KCNQ5: variants seen among roughly 807,000 people sequenced by gnomAD.
The protein encoded by KCNQ5 is potassium voltage-gated channel subfamily Q member 5.
A neutral mutation model predicts 98.2 loss-of-function variants in KCNQ5; 30 were observed. The ratio of observed to expected loss-of-function variants is 0.31; its 90% CI spans 0.23 to 0.41. The LOEUF is 0.41. Among genes scored for constraint, KCNQ5 ranks in the 10% least tolerant of loss-of-function variants. The pLI is 1.00. For missense variants in KCNQ5, 835 were observed against 1,182.5 expected, an observed-to-expected ratio of 0.71 and a Z score of 4.31; for synonymous variants, 458 against 449.4, an observed-to-expected ratio of 1.02 and a Z score of -0.24.
chr6:72,941,176 CT>C (rs1766214267), intron 1 of KCNQ5, among the ~76,000 whole-genome samples: 1 of 152,236 alleles, frequency 6.6e-6, no homozygotes, highest in Non-Finnish European at 1.5e-5. Context: ...CTTTTGCCTT[CT>C]TTTTAAATTT....
intron 1 of KCNQ5, among the ~76,000 whole-genome samples, chr6:72,810,709 G>A (rs1775199213): frequency 6.6e-6 from 1 of 152,174 alleles, no homozygotes; most frequent in African/African-American, 2.4e-5. Flanking sequence ...GGCTTTCCAT[G>A]AACATGGCTA....
At chr6:72,693,954 AT>A (rs1402950023) in intron 1 of KCNQ5, among the ~76,000 whole-genome samples, 1 of 151,982 alleles carries the variant, frequency 6.6e-6, no homozygotes, top group Non-Finnish European at 1.5e-5. Flanking sequence ...TCTTTTATTT[AT>A]TTTTCACTGA....
At chr6:72,719,305 A>T (rs1204269915) in intron 1 of KCNQ5, among the ~76,000 whole-genome samples, 1 of 152,216 alleles carries the variant, frequency 6.6e-6, no homozygotes, top group Admixed American at 6.5e-5. Flanking sequence ...TGCATTAGGC[A>T]TCCCTTGCTG....
At chr6:72,633,541 T>C (rs182671170) in intron 1 of KCNQ5, among the ~76,000 whole-genome samples, 39 of 152,324 alleles carry the variant, frequency 2.6e-4, no homozygotes, top group Admixed American at 1.5e-3. Context: ...TAGATAAAAC[T>C]ATTCTAACAT....
At chr6:72,828,178 G>A (rs1320327748) in intron 1 of KCNQ5, among the ~76,000 whole-genome samples, 1 of 152,080 alleles carries the variant, frequency 6.6e-6, no homozygotes, top group African/African-American at 2.4e-5. Flanking sequence ...CACCATCTTT[G>A]TTCTTTTTGC....
At chr6:72,625,638 C>T (rs2098917696) in intron 1 of KCNQ5, among the ~76,000 whole-genome samples, 1 of 152,128 alleles carries the variant, frequency 6.6e-6, no homozygotes, top group Admixed American at 6.5e-5. Flanking sequence ...TAATTGATCA[C>T]TTTGCCTAAT....
intron 1 of KCNQ5, among the ~76,000 whole-genome samples, chr6:72,696,004 A>T (rs1400410504): frequency 5.3e-5 from 8 of 152,260 alleles, no homozygotes; most frequent in Non-Finnish European, 1.0e-4. Flanking sequence ...TTATTTTAAC[A>T]TGAGAAGAGA....
chr6:72,815,154 C>T (rs1396013308), intron 1 of KCNQ5, among the ~76,000 whole-genome samples: 3 of 152,070 alleles, frequency 2.0e-5, no homozygotes, highest in African/African-American at 7.2e-5. Context: ...AGCTTTTACT[C>T]TCAAGGAGCC....
chr6:72,664,676 C>T (rs1479607011), intron 1 of KCNQ5, among the ~76,000 whole-genome samples: 4 of 151,474 alleles, frequency 2.6e-5, no homozygotes, highest in Admixed American at 2.6e-4. Flanking sequence ...AACAAACAAA[C>T]AAACAAACAA....
At chr6:73,158,206 C>T (rs1777449085) in intron 10 of KCNQ5, 1 of 266,280 alleles carries the variant, frequency 3.8e-6, no homozygotes, top group Non-Finnish European at 7.4e-6. Flanking sequence ...GGCGCCGGCC[C>T]CAGCGTTGTG....
At chr6:72,691,899 T>G (rs558978795) in intron 1 of KCNQ5, among the ~76,000 whole-genome samples, 1 of 152,336 alleles carries the variant, frequency 6.6e-6, no homozygotes, top group South Asian at 2.1e-4. Flanking sequence ...ATATTTTGTG[T>G]CAGTAGAATT....
intron 1 of KCNQ5, among the ~76,000 whole-genome samples, chr6:72,964,133 G>T (rs1211280323): frequency 6.6e-6 from 1 of 152,134 alleles, no homozygotes; most frequent in Non-Finnish European, 1.5e-5. Context: ...TACAACATTA[G>T]TTCTCAAGCC....
chr6:72,630,453 A>G (rs1436878713), intron 1 of KCNQ5: 1 of 152,218 alleles, frequency 6.6e-6, no homozygotes, highest in Non-Finnish European at 1.5e-5. Context: ...CATTTGCTTA[A>G]CAGCCATTAT....
At chr6:72,764,126 A>T (rs534589663) in intron 1 of KCNQ5, among the ~76,000 whole-genome samples, 1 of 151,992 alleles carries the variant, frequency 6.6e-6, no homozygotes, top group Non-Finnish European at 1.5e-5. Flanking sequence ...TGCCAAGGTC[A>T]TACTTAGAAC....
rs976511520 is a variant in KCNQ5 at position 73,195,438 on chromosome 6, T to C, written c.*24T>C. ...AAGTTCTTCATTTTCTTTCCAGGCA[T>C]AGCAGTTCTTTAGCCATACATATCA... On this transcript the variant is annotated 3_prime_UTR_variant, in exon 14 of 14. Coordinates refer to ENST00000370398, the MANE Select transcript of KCNQ5 (RefSeq NM_019842.4). The C allele has an allele frequency of 1.9e-6, 3 of 1,603,732 alleles. No individual in the cohort carries two copies. Among genetic ancestry groups the C allele is most frequent in the Non-Finnish European group, 2.6e-6 (3 of 1,173,870 alleles).
chr6:72,724,348 A>G (rs946219058), intron 1 of KCNQ5, among the ~76,000 whole-genome samples: 1 of 152,236 alleles, frequency 6.6e-6, no homozygotes. Flanking sequence ...GGAAAGAAAA[A>G]TTACCTCTTC....
chr6:72,729,807 C>T (rs1341198431), intron 1 of KCNQ5, among the ~76,000 whole-genome samples: 3 of 148,932 alleles, frequency 2.0e-5, no homozygotes, highest in Non-Finnish European at 4.4e-5. Flanking sequence ...TTTTTCTAAA[C>T]AAATTTACTT....
At chr6:72,978,458 T>C (rs1248215348) in intron 1 of KCNQ5, among the ~76,000 whole-genome samples, 1 of 152,240 alleles carries the variant, frequency 6.6e-6, no homozygotes, top group African/African-American at 2.4e-5. Flanking sequence ...TTTATTTATT[T>C]TGACAGGCCA....
chr6:72,999,737 A>G (rs1191048265), intron 1 of KCNQ5, among the ~76,000 whole-genome samples: 8 of 152,220 alleles, frequency 5.3e-5, no homozygotes, highest in African/African-American at 1.9e-4. Flanking sequence ...AATTTGCAAT[A>G]TGGCAATGCA....
Sources: allele counts gnomAD v4.1 joint callset (sites outside exome capture counted in the v4.1 genomes callset), GRCh38; gene constraint gnomAD v4.1.1; transcripts MANE v1.5; gene names NCBI Gene and HGNC (gene_info 2026-07-23, HGNC 2026-07-21).